The following MTAP variants were observed in gnomAD, a reference collection of about 807,000 sequenced individuals.
MTAP encodes methylthioadenosine phosphorylase, also known as S-methyl-5'-thioadenosine phosphorylase.
In MTAP, 33 loss-of-function variants were observed where a neutral mutation model predicts 33.6. The ratio of observed to expected loss-of-function variants is 0.98; its 90% CI spans 0.74 to 1.31. MTAP has a LOEUF of 1.31. MTAP is among the 40% of genes most tolerant of loss of function. MTAP has a pLI of 0.00. For synonymous variants in MTAP, 148 were observed against 125.7 expected (o/e 1.18, Z -1.19); for missense variants, 367 against 360.0 (o/e 1.02, Z -0.16).
intron 1 of MTAP, among the ~76,000 whole-genome samples, chr9:21,890,513 G>A (rs899035250): frequency 1.5e-4 from 23 of 152,118 alleles, no homozygotes; most frequent in African/African-American, 4.1e-4. Context: ...TCAACTGGAC[G>A]TTTTCTTCTC....
At chr9:21,880,095 A>G (rs937866777) in intron 1 of MTAP, among the ~76,000 whole-genome samples, 2 of 152,162 alleles carry the variant, frequency 1.3e-5, no homozygotes, top group Non-Finnish European at 2.9e-5. Context: ...TTCTAAATTT[A>G]TATATTGATG....
chr9:21,864,593 G>A lies in MTAP; in HGVS notation c.*2579G>A. ...ACATCCTGGCCCTGTGGTCCCCGAG[G>A]GTCATGGTCCTTGTGACCTGGCCCC... On this transcript the variant is annotated 3_prime_UTR_variant, in exon 8 of 8. Transcript: ENST00000644715. 4 of 985,462 alleles carry A rather than the reference G, an allele frequency of 4.1e-6. No homozygotes were observed. The highest frequency in any genetic ancestry group is 4.8e-6 in the Non-Finnish European group (4 of 829,972). 61.0% of individuals were successfully genotyped at this position (985,462 alleles called of 1,614,324 possible).
intron 4 of MTAP, among the ~76,000 whole-genome samples, chr9:21,827,174 G>T (rs1824843105): frequency 6.6e-6 from 1 of 152,250 alleles, no homozygotes; most frequent in South Asian, 2.1e-4. Context: ...GTGAAGACAG[G>T]AGCCTCCTGG....
At chr9:21,822,350 A>C (rs560672761) in intron 4 of MTAP, among the ~76,000 whole-genome samples, 94 of 152,304 alleles carry the variant, frequency 6.2e-4, no homozygotes, top group African/African-American at 2.2e-3. Flanking sequence ...CATTGGTTTC[A>C]AAGAACATCT....
chr9:21,851,659 G>A (rs1825514758), intron 5 of MTAP, among the ~76,000 whole-genome samples: 1 of 152,154 alleles, frequency 6.6e-6, no homozygotes, highest in African/African-American at 2.4e-5. Flanking sequence ...TGGATTGAAG[G>A]ATACAAAGTA....
In MTAP at chr9:21,815,477, A is replaced by G; in HGVS notation, c.78A>G (p.Leu26=). 1.9e-6 allele frequency: 3 copies of G among 1,612,282 alleles called. No individual in the cohort carries two copies. Among genetic ancestry groups the G allele is most frequent in the Non-Finnish European group, 2.5e-6 (3 of 1,178,992 alleles). The change falls in exon 2 of 8, where the codon TTA becomes TTG. Residue 26 remains leucine (L), a synonymous_variant. Coordinates refer to ENST00000644715, the MANE Select transcript of MTAP (RefSeq NM_002451.4). ...GGTGLDDPEI[L]EGRTEKYVDT... ...CAGGCCTGGATGATCCAGAAATTTTAGAAGGAAGAACTGAAAAATATGTGG... is the reference window on the plus strand; with the variant it reads ...CAGGCCTGGATGATCCAGAAATTTTGGAAGGAAGAACTGAAAAATATGTGG...
At chr9:21,813,828 C>T (rs968104738) in intron 1 of MTAP, 25 of 152,020 alleles carry the variant, frequency 1.6e-4, no homozygotes, top group African/African-American at 6.0e-4. Flanking sequence ...CAGAGGTCCA[C>T]GGAATGAAGG....
At chr9:21,872,635 T>C (rs1238666537) in intron 1 of MTAP, among the ~76,000 whole-genome samples, 5 of 152,212 alleles carry the variant, frequency 3.3e-5, no homozygotes, top group Non-Finnish European at 7.3e-5. Flanking sequence ...TTGCATAGTA[T>C]CTTCCAATAG....
In MTAP at chr9:21,866,602, G is replaced by A. The variant is rs1825857428; in HGVS notation, c.*4588G>A. 1 of 152,032 alleles carries A rather than the reference G, an allele frequency of 6.6e-6. No homozygotes were observed. The highest frequency in any genetic ancestry group is 1.5e-5 in the Non-Finnish European group (1 of 67,980). The allele number at this position is 152,032 out of a possible 1,614,324, so 9.4% of individuals were successfully genotyped here. ...ATCTATTTATGTCATTTATCTATGT[G>A]TCTCTTCTTATGCCAGTACCCCACT... is the stretch of plus-strand genomic sequence containing the variant. On this transcript the variant is annotated 3_prime_UTR_variant, in exon 8 of 8. Coordinates refer to ENST00000644715, the MANE Select transcript of MTAP (RefSeq NM_002451.4).
At chr9:21,827,819 G>A (rs1480516894) in intron 4 of MTAP, among the ~76,000 whole-genome samples, 1 of 152,146 alleles carries the variant, frequency 6.6e-6, no homozygotes, top group Non-Finnish European at 1.5e-5. Context: ...GGCTGTCAAC[G>A]TCCATGTGTT....
intron 1 of MTAP, among the ~76,000 whole-genome samples, chr9:21,881,367 A>C (rs1261907377): frequency 6.6e-6 from 1 of 152,054 alleles, no homozygotes; most frequent in Non-Finnish European, 1.5e-5. Context: ...TTTTGTGGAT[A>C]TGACATCAAA....
intron 6 of MTAP, among the ~76,000 whole-genome samples, chr9:21,855,691 G>A (rs1825626362): frequency 6.6e-6 from 1 of 152,086 alleles, no homozygotes; most frequent in Non-Finnish European, 1.5e-5. Flanking sequence ...GAACAATGAG[G>A]TCAGCTTCCA....
chr9:21,910,761 G>A (rs1477758330), intron 1 of MTAP, among the ~76,000 whole-genome samples: 1 of 152,056 alleles, frequency 6.6e-6, no homozygotes, highest in Non-Finnish European at 1.5e-5. Flanking sequence ...TCACACAGGT[G>A]TGCTACCAGT....
intron 1 of MTAP, among the ~76,000 whole-genome samples, chr9:21,906,452 A>G (rs957820904): frequency 5.3e-5 from 8 of 152,108 alleles, no homozygotes; most frequent in Non-Finnish European, 8.8e-5. Flanking sequence ...AGAATGCACG[A>G]GAGGAGAGAG....
chr9:21,878,785 T>C (rs1826048793), intron 1 of MTAP, among the ~76,000 whole-genome samples: 1 of 152,240 alleles, frequency 6.6e-6, no homozygotes, highest in Admixed American at 6.5e-5. Context: ...AAGGAACTTC[T>C]TGATTTCTGC....
At chr9:21,923,804 G>C (rs1465829468) in intron 1 of MTAP, among the ~76,000 whole-genome samples, 1 of 145,458 alleles carries the variant, frequency 6.9e-6, no homozygotes, top group Non-Finnish European at 1.5e-5. Context: ...ATGGGAAATG[G>C]ATTATAAAAA....
intron 5 of MTAP, among the ~76,000 whole-genome samples, chr9:21,838,765 G>T (rs1267324259): frequency 1.3e-5 from 2 of 152,184 alleles, no homozygotes; most frequent in East Asian, 1.9e-4. Flanking sequence ...CCTATGGCTT[G>T]GTCCACATGT....
chr9:21,842,593 G>A (rs1050055293), intron 5 of MTAP, among the ~76,000 whole-genome samples: 2 of 152,154 alleles, frequency 1.3e-5, no homozygotes, highest in African/African-American at 2.4e-5. Flanking sequence ...AGAAGGGATT[G>A]GAGTCCCATT....
intron 1 of MTAP, chr9:21,811,496 A>C (rs1362808180): frequency 7.8e-6 from 2 of 255,194 alleles, no homozygotes; most frequent in African/African-American, 2.3e-5. Context: ...TGTCTTTAGA[A>C]CATGTGATGT....
Sources: allele counts gnomAD v4.1 joint callset (sites outside exome capture counted in the v4.1 genomes callset), GRCh38; gene constraint gnomAD v4.1.1; transcripts MANE v1.5; gene names NCBI Gene and HGNC (gene_info 2026-07-23, HGNC 2026-07-21).